Variants in GPR39 observed in about 807,000 individuals in gnomAD.
GPR39 encodes the protein zinc sensing receptor.
In GPR39, 23 loss-of-function variants were observed where a neutral mutation model predicts 18.4. That is an observed-to-expected ratio of 1.25 (90% confidence interval 0.90 to 1.77). GPR39 has a LOEUF of 1.77. Ranked by LOEUF, GPR39 falls within the 40% of genes most tolerant of loss-of-function variation. GPR39 has a pLI of 0.00. For synonymous variants in GPR39, 280 were observed against 257.9 expected (o/e 1.09, Z -0.82); for missense variants, 647 against 602.4 (o/e 1.07, Z -0.78).
At chr2:132,577,313 T>G (rs1680546443) in intron 1 of GPR39, among the ~76,000 whole-genome samples, 1 of 151,946 alleles carries the variant, frequency 6.6e-6, no homozygotes, top group African/African-American at 2.4e-5. Flanking sequence ...GCCAAGATTG[T>G]GCCATTGCAC....
At chr2:132,489,091 A>G (rs6757715) in intron 1 of GPR39, 193,093 of 217,348 alleles carry the variant, frequency 0.89, 89,817 homozygotes, top group East Asian at 1. Context: ...TCCTCTCCTT[A>G]GATGACATCG....
At chr2:132,465,708 A>G (rs1186634170) in intron 1 of GPR39, among the ~76,000 whole-genome samples, 1 of 152,230 alleles carries the variant, frequency 6.6e-6, no homozygotes, top group Non-Finnish European at 1.5e-5. Context: ...TGCATAAAAC[A>G]AAAAGTATAG....
At chr2:132,487,773 G>C (rs1234411074) in intron 1 of GPR39, among the ~76,000 whole-genome samples, 4 of 152,226 alleles carry the variant, frequency 2.6e-5, no homozygotes, top group South Asian at 4.2e-4. Context: ...AAAATGAGAG[G>C]ATAAGAGTCG....
At chr2:132,609,082 G>T (rs894470230) in intron 1 of GPR39, among the ~76,000 whole-genome samples, 2 of 152,198 alleles carry the variant, frequency 1.3e-5, no homozygotes, top group Admixed American at 1.3e-4. Context: ...AAGGTGCCCG[G>T]GATGTTTTAT....
At chr2:132,492,641 T>TATATATAATATATATATA in intron 1 of GPR39, among the ~76,000 whole-genome samples, 1 of 135,678 alleles carries the variant, frequency 7.4e-6, no homozygotes, top group East Asian at 2.2e-4. Context: ...ATACACACCA[T>TATATATAATATATATATA]CTATATATAA....
intron 1 of GPR39, among the ~76,000 whole-genome samples, chr2:132,590,607 G>A (rs1362822988): frequency 2.0e-5 from 3 of 152,098 alleles, no homozygotes; most frequent in Non-Finnish European, 4.4e-5. Flanking sequence ...ACTTGCCAAA[G>A]AAGAGAAGAT....
chr2:132,622,540 C>A (rs1033051554), intron 1 of GPR39, among the ~76,000 whole-genome samples: 3 of 152,196 alleles, frequency 2.0e-5, no homozygotes, highest in Admixed American at 2.0e-4. Flanking sequence ...TTATATATTT[C>A]ATGGAGTCAG....
At chr2:132,522,723 T>A (rs994219039) in intron 1 of GPR39, among the ~76,000 whole-genome samples, 1 of 152,156 alleles carries the variant, frequency 6.6e-6, no homozygotes, top group African/African-American at 2.4e-5. Flanking sequence ...CTTGTCTGAG[T>A]AGAAGCTGCC....
At position 132,505,595 on chromosome 2, in the gene GPR39, C is replaced by T. The variant is rs1442059416; in HGVS notation, c.856+87697C>T. Reference sequence around the variant, plus strand: ...AGCTCCTGGTATCTATCATTCTACTCTCTACATTCATAGGATTCACCTTGA... The same window carrying T: ...AGCTCCTGGTATCTATCATTCTACTTTCTACATTCATAGGATTCACCTTGA... On this transcript the variant is annotated intron_variant, in intron 1 of 1. Coordinates refer to ENST00000329321, the MANE Select transcript of GPR39 (RefSeq NM_001508.3). 2.6e-5 allele frequency among the ~76,000 whole-genome samples: 4 copies of T among 152,186 alleles called. No homozygotes were observed. The South Asian group carries it at 6.2e-4, about 24-fold the overall frequency.
intron 1 of GPR39, among the ~76,000 whole-genome samples, chr2:132,571,006 A>T (rs3109149): frequency 3.3e-5 from 5 of 152,058 alleles, no homozygotes; most frequent in South Asian, 4.1e-4. Context: ...AGTGCGCTGT[A>T]GGGACTGTGA....
intron 1 of GPR39, among the ~76,000 whole-genome samples, chr2:132,630,987 G>A (rs541030763): frequency 3.7e-4 from 56 of 152,232 alleles, no homozygotes; most frequent in African/African-American, 1.3e-3. Flanking sequence ...TTGGCTGCAG[G>A]GTTCTGGCCA....
intron 1 of GPR39, among the ~76,000 whole-genome samples, chr2:132,491,854 G>A (rs1681468065): frequency 6.6e-6 from 1 of 151,766 alleles, no homozygotes; most frequent in African/African-American, 2.4e-5. Flanking sequence ...CCTCCCCTGT[G>A]GAAGGTAGAT....
intron 1 of GPR39, among the ~76,000 whole-genome samples, chr2:132,487,494 A>G (rs1320408057): frequency 6.6e-6 from 1 of 152,226 alleles, no homozygotes; most frequent in Non-Finnish European, 1.5e-5. Flanking sequence ...GTATTAATAG[A>G]CACAGATTAT....
intron 1 of GPR39, among the ~76,000 whole-genome samples, chr2:132,620,805 T>A (rs1396545037): frequency 6.6e-6 from 1 of 152,148 alleles, no homozygotes; most frequent in African/African-American, 2.4e-5. Context: ...CAGGCTGGAG[T>A]GCAGTGGCAC....
chr2:132,572,289 T>A (rs1375955466), intron 1 of GPR39, among the ~76,000 whole-genome samples: 2 of 152,182 alleles, frequency 1.3e-5, no homozygotes, highest in African/African-American at 4.8e-5. Flanking sequence ...ATGGGCTACC[T>A]ATTTTCAGCA....
chr2:132,614,653 C>T (rs6724814), intron 1 of GPR39, among the ~76,000 whole-genome samples: 2,649 of 152,166 alleles, frequency 0.017, 56 homozygotes, highest in Admixed American at 0.051. Context: ...CAGGTTCAAG[C>T]AATTCTTTTG....
intron 1 of GPR39, among the ~76,000 whole-genome samples, chr2:132,437,425 G>C (rs1467086849): frequency 6.6e-6 from 1 of 152,148 alleles, no homozygotes; most frequent in Non-Finnish European, 1.5e-5. Flanking sequence ...GACATGCAGG[G>C]AGTGTGTGTG....
chr2:132,435,482 C>T (rs1007704896), intron 1 of GPR39, among the ~76,000 whole-genome samples: 3 of 152,106 alleles, frequency 2.0e-5, no homozygotes, highest in Non-Finnish European at 2.9e-5. Flanking sequence ...TGTTAATCGA[C>T]TGTTTGTTAT....
At chr2:132,548,694 A>G (rs6736941) in intron 1 of GPR39, among the ~76,000 whole-genome samples, 16,722 of 152,220 alleles carry the variant, frequency 0.11, 1,106 homozygotes, top group South Asian at 0.24. Context: ...AGTTTCCTCA[A>G]CTGCAAAATA....
Sources: gnomAD v4.1 joint callset for allele counts (sites outside exome capture counted in the v4.1 genomes callset) on GRCh38, gnomAD v4.1.1 for gene constraint, MANE v1.5 for transcripts, NCBI Gene and HGNC (gene_info 2026-07-23, HGNC 2026-07-21) for gene names.